The following MACROD2 variants were observed in gnomAD, a reference collection of about 807,000 sequenced individuals.
MACROD2 encodes the protein ADP-ribose glycohydrolase MACROD2.
Under a neutral mutation model 70.4 loss-of-function variants are expected in MACROD2, and 36 were observed. That is an observed-to-expected ratio of 0.51 (90% CI 0.39 to 0.68). The LOEUF (loss-of-function observed/expected upper bound fraction) is 0.68. Ranked by LOEUF, MACROD2 falls within the 30% of genes least tolerant of loss-of-function variation. The pLI, the probability that MACROD2 is intolerant of heterozygous loss-of-function variation, is 0.00. For missense variants in MACROD2, 496 were observed against 538.4 expected, an observed-to-expected ratio of 0.92 and a Z score of 0.78; for synonymous variants, 172 against 178.8, an observed-to-expected ratio of 0.96 and a Z score of 0.30.
chr20:14,335,148 G>T (rs909189855), intron 3 of MACROD2, among the ~76,000 whole-genome samples: 2 of 152,152 alleles, frequency 1.3e-5, no homozygotes, highest in Non-Finnish European at 2.9e-5. Flanking sequence ...CTTAGGGTGT[G>T]TGGCCAAGAA....
chr20:14,746,720 G>A (rs1326498443), intron 5 of MACROD2, among the ~76,000 whole-genome samples: 12 of 152,070 alleles, frequency 7.9e-5, no homozygotes, highest in African/African-American at 1.9e-4. Flanking sequence ...AACCATTAAC[G>A]CATTAATGTG....
At chr20:15,313,288 C>T (rs528725008) in intron 6 of MACROD2, among the ~76,000 whole-genome samples, 57 of 152,040 alleles carry the variant, frequency 3.7e-4, no homozygotes, top group Admixed American at 1.1e-3. Context: ...GGGTGGATCA[C>T]GAGGTCAGGA....
chr20:15,770,903 A>C (rs1250903849), intron 8 of MACROD2, among the ~76,000 whole-genome samples: 1 of 152,166 alleles, frequency 6.6e-6, no homozygotes, highest in East Asian at 1.9e-4. Context: ...TCTCGTGTCC[A>C]ATCTGCTGAC....
At chr20:14,865,815 G>A (rs2073422056) in intron 5 of MACROD2, among the ~76,000 whole-genome samples, 1 of 152,102 alleles carries the variant, frequency 6.6e-6, no homozygotes, top group Non-Finnish European at 1.5e-5. Context: ...CCTGTGATGA[G>A]AATGCAAGCC....
chr20:14,220,789 C>T (rs1416580145), intron 3 of MACROD2, among the ~76,000 whole-genome samples: 6 of 152,198 alleles, frequency 3.9e-5, no homozygotes, highest in Non-Finnish European at 8.8e-5. Flanking sequence ...AACAGACCTT[C>T]GGCTTCTCCA....
chr20:16,049,384 G>A (rs2067427294), intron 17 of MACROD2, among the ~76,000 whole-genome samples: 1 of 152,090 alleles, frequency 6.6e-6, no homozygotes, highest in South Asian at 2.1e-4. Context: ...AGTGAATAAG[G>A]CAGATAATTT....
At chr20:14,600,341 TATACAC>T (rs781637866) in intron 4 of MACROD2, among the ~76,000 whole-genome samples, 2 of 142,108 alleles carry the variant, frequency 1.4e-5, no homozygotes, top group African/African-American at 5.9e-5. Flanking sequence ...TATATATATA[TATACAC>T]ACACACACAC....
chr20:14,166,891 T>G (rs77744351), intron 3 of MACROD2, among the ~76,000 whole-genome samples: 3,564 of 152,336 alleles, frequency 0.023, 41 homozygotes, highest in African/African-American at 0.029. Context: ...TACAACTGTT[T>G]ACTTCAGCAT....
chr20:14,201,541 T>C (rs1490756152), intron 3 of MACROD2, among the ~76,000 whole-genome samples: 2 of 152,148 alleles, frequency 1.3e-5, no homozygotes, highest in Non-Finnish European at 2.9e-5. Flanking sequence ...CTTCTGCCTG[T>C]TATTTAAAAC....
At chr20:15,510,439 C>T (rs1429972561) in intron 8 of MACROD2, among the ~76,000 whole-genome samples, 4 of 152,090 alleles carry the variant, frequency 2.6e-5, no homozygotes, top group Admixed American at 6.5e-5. Flanking sequence ...AGTTTTGATA[C>T]GGTCATCTAG....
intron 3 of MACROD2, among the ~76,000 whole-genome samples, chr20:14,295,946 T>C (rs1412791519): frequency 6.6e-6 from 1 of 151,940 alleles, no homozygotes; most frequent in Non-Finnish European, 1.5e-5. Context: ...GTACTATTCT[T>C]GGCCTGTCAA....
chr20:15,872,914 T>C (rs1428127809), intron 9 of MACROD2, among the ~76,000 whole-genome samples: 1 of 152,154 alleles, frequency 6.6e-6, no homozygotes, highest in East Asian at 1.9e-4. Flanking sequence ...TTAACATAAA[T>C]CATGAACATT....
At chr20:15,988,646 A>C (rs1248673325) in intron 15 of MACROD2, among the ~76,000 whole-genome samples, 1 of 152,130 alleles carries the variant, frequency 6.6e-6, no homozygotes, top group East Asian at 1.9e-4. Flanking sequence ...TCTTTTTCTG[A>C]TAATGGTGGA....
chr20:15,433,071 T>C (rs2046383302), intron 7 of MACROD2, among the ~76,000 whole-genome samples: 1 of 152,004 alleles, frequency 6.6e-6, no homozygotes, highest in South Asian at 2.1e-4. Flanking sequence ...ATAAAAGCCA[T>C]ATATGACAAA....
intron 6 of MACROD2, among the ~76,000 whole-genome samples, chr20:15,244,669 C>T (rs2077090170): frequency 6.6e-6 from 1 of 152,158 alleles, no homozygotes; most frequent in Admixed American, 6.5e-5. Flanking sequence ...GTTCCAATAG[C>T]TTTTCTCTGC....
intron 8 of MACROD2, among the ~76,000 whole-genome samples, chr20:15,780,152 A>AT (rs1169769719): frequency 6.6e-6 from 1 of 152,096 alleles, no homozygotes; most frequent in African/African-American, 2.4e-5. Flanking sequence ...ATTAACCAAC[A>AT]TTTTATGGCC....
intron 3 of MACROD2, among the ~76,000 whole-genome samples, chr20:14,088,477 T>C (rs1487496839): frequency 4.9e-5 from 1 of 20,378 alleles, no homozygotes; most frequent in Non-Finnish European, 9.5e-5. Flanking sequence ...TGTACATATG[T>C]ATATAAATAC....
At chr20:15,823,651 T>C (rs1383931903) in intron 8 of MACROD2, among the ~76,000 whole-genome samples, 1 of 152,238 alleles carries the variant, frequency 6.6e-6, no homozygotes, top group Non-Finnish European at 1.5e-5. Flanking sequence ...GCAACTGCAA[T>C]TCACTTAATT....
intron 5 of MACROD2, among the ~76,000 whole-genome samples, chr20:14,881,920 A>G (rs762578708): frequency 2.6e-5 from 4 of 152,268 alleles, no homozygotes; most frequent in South Asian, 2.1e-4. Flanking sequence ...TTCTATTTGT[A>G]TAGTGTTTAT....
Sources: gnomAD v4.1 joint callset for allele counts (sites outside exome capture counted in the v4.1 genomes callset) on GRCh38, gnomAD v4.1.1 for gene constraint, MANE v1.5 for transcripts, NCBI Gene and HGNC (gene_info 2026-07-23, HGNC 2026-07-21) for gene names.